Variants in CYB5R3 observed in about 807,000 individuals in gnomAD.
The protein encoded by CYB5R3 is cytochrome b5 reductase 3, also known as NADH-cytochrome b5 reductase 3.
A neutral mutation model predicts 36.5 loss-of-function variants in CYB5R3; 28 were observed. That is an observed-to-expected ratio of 0.77 (90% CI 0.57 to 1.05). CYB5R3 has a LOEUF of 1.05. Among genes scored for constraint, CYB5R3 ranks in the 50% least tolerant of loss-of-function variants. CYB5R3 has a pLI of 0.00. For synonymous variants in CYB5R3, 181 were observed against 159.8 expected, an observed-to-expected ratio of 1.13 and a Z score of -1.00; for missense variants, 474 against 408.9, an observed-to-expected ratio of 1.16 and a Z score of -1.37.
chr22:42,626,214 G>A (rs1391222984), intron 7 of CYB5R3, among the ~76,000 whole-genome samples: 2 of 152,150 alleles, frequency 1.3e-5, no homozygotes, highest in Non-Finnish European at 2.9e-5. Context: ...GGAGGCTGAG[G>A]CAGGAGAATC....
chr22:42,649,319 G>A lies in CYB5R3; in HGVS notation c.-4C>T, dbSNP rs1929662204. ...CCGTGCTGAGCTGGGCCCCCATGGT[G>A]GCCCCGCGCCGCGCTCGCTCTGTCG... On this transcript the variant is annotated 5_prime_UTR_variant, in exon 1 of 9. Transcript: ENST00000352397. 9.8e-6 allele frequency: 10 copies of A among 1,018,264 alleles called. No homozygotes were observed. The highest frequency in any genetic ancestry group is 9.5e-6 in the Non-Finnish European group (8 of 845,560). The allele number at this position is 1,018,264 out of a possible 1,614,324, so 63.1% of individuals were successfully genotyped here. A position where few individuals can be genotyped will look rare whatever the true frequency, so the allele number is the denominator to read the frequency against.
chr22:42,649,228 GC>G, intron 1 of CYB5R3, 66 bp downstream of exon 1: 4 of 393,068 alleles, frequency 1.0e-5, no homozygotes, highest in Non-Finnish European at 1.1e-5. Context: ...AGGCCAGCCC[GC>G]CCCCTCGCCG....
At chr22:42,644,612 C>T (rs1929451045) in intron 1 of CYB5R3, 7 of 1,483,246 alleles carry the variant, frequency 4.7e-6, no homozygotes, top group East Asian at 5.0e-5. Flanking sequence ...CTTCTGGAAA[C>T]TCCCTGGGGC....
At chr22:42,638,396 CAAAAA>C (rs1206825251) in intron 1 of CYB5R3, among the ~76,000 whole-genome samples, 2 of 36,516 alleles carry the variant, frequency 5.5e-5, no homozygotes, top group Non-Finnish European at 1.0e-4. Flanking sequence ...AACTCCATCT[CAAAAA>C]AAAAAAAAAA....
intron 7 of CYB5R3, 75 bp downstream of exon 7, chr22:42,627,229 G>A: frequency 8.0e-7 from 1 of 1,252,892 alleles, no homozygotes; most frequent in Non-Finnish European, 1.2e-6. Flanking sequence ...CAGACCCCTG[G>A]AACAGCACCT....
chr22:42,620,564 GA>G (rs1352305805), intron 8 of CYB5R3, among the ~76,000 whole-genome samples: 1 of 152,082 alleles, frequency 6.6e-6, no homozygotes, highest in Non-Finnish European at 1.5e-5. Flanking sequence ...TTAGTAACCA[GA>G]AACAACCACC....
intron 1 of CYB5R3, chr22:42,640,170 C>A (rs762594007): frequency 6.2e-7 from 1 of 1,612,750 alleles, no homozygotes; most frequent in Non-Finnish European, 8.5e-7. Flanking sequence ...CCAGCTCAAC[C>A]GTGGTGTAGT....
At chr22:42,638,764 G>A (rs1929058038) in intron 1 of CYB5R3, among the ~76,000 whole-genome samples, 1 of 105,454 alleles carries the variant, frequency 9.5e-6, no homozygotes, top group African/African-American at 3.8e-5. Flanking sequence ...CGGGCGCGGT[G>A]GCTCACGCCT....
chr22:42,647,098 C>T, intron 1 of CYB5R3: 1 of 426,060 alleles, frequency 2.3e-6, no homozygotes, highest in Non-Finnish European at 3.1e-6. Context: ...AGGCCCCCAG[C>T]CAGCCTCCTC....
intron 1 of CYB5R3, among the ~76,000 whole-genome samples, chr22:42,638,461 T>A: frequency 7.8e-6 from 1 of 127,414 alleles, no homozygotes. Context: ...TCCCAGCTAC[T>A]CAGATGGCAG....
chr22:42,639,980 T>C, intron 1 of CYB5R3: 1 of 1,611,680 alleles, frequency 6.2e-7, no homozygotes, highest in Non-Finnish European at 8.5e-7. Flanking sequence ...TTCTAGCCAA[T>C]GATGCCACGC....
intron 6 of CYB5R3, 61 bp from the exon 7 acceptor site, chr22:42,627,450 C>T (rs534141229): frequency 3.2e-6 from 5 of 1,563,752 alleles, no homozygotes; most frequent in South Asian, 2.2e-5. Flanking sequence ...AGGCACCGCC[C>T]CGCCCAGGTG....
At chr22:42,646,893 C>T (rs763508354) in intron 1 of CYB5R3, 57 of 985,416 alleles carry the variant, frequency 5.8e-5, no homozygotes, top group Non-Finnish European at 6.5e-5. Context: ...TACCTGTCAG[C>T]CTGTCAGGGT....
intron 1 of CYB5R3, among the ~76,000 whole-genome samples, chr22:42,641,093 G>A (rs913756369): frequency 3.3e-5 from 5 of 152,034 alleles, no homozygotes; most frequent in Non-Finnish European, 7.4e-5. Context: ...CTGACCTGGT[G>A]ATCCTCCTGC....
chr22:42,629,639 G>A (rs1264043735), intron 4 of CYB5R3, among the ~76,000 whole-genome samples: 1 of 152,184 alleles, frequency 6.6e-6, no homozygotes, highest in African/African-American at 2.4e-5. Context: ...GACCTGGCAA[G>A]GTAAGGGCCT....
chr22:42,627,201 A>G, intron 7 of CYB5R3, 103 bp downstream of exon 7: 1 of 987,810 alleles, frequency 1.0e-6, no homozygotes, highest in Admixed American at 2.0e-5. Context: ...TCATCCCCAG[A>G]ATCTCAGCAG....
In CYB5R3 at chr22:42,644,882, C is replaced by T. The variant is rs149223580; in HGVS notation, c.21+4413G>A. ...GCCCCTCCGCGGGCAGCTGGCTTCA[C>T]GGGCTGCGAGGCACCTTCCCCCATT... On this transcript the variant is annotated intron_variant, in intron 1 of 8. Transcript: ENST00000352397. Among the ~76,000 whole-genome samples, 49 of 152,302 alleles carry T rather than the reference C, an allele frequency of 3.2e-4. No homozygotes were observed. The East Asian group carries it at 5.4e-3, about 17-fold the overall frequency.
intron 1 of CYB5R3, among the ~76,000 whole-genome samples, chr22:42,646,084 C>T (rs1188089277): frequency 2.0e-5 from 3 of 152,220 alleles, no homozygotes; most frequent in Non-Finnish European, 2.9e-5. Flanking sequence ...TTGGAACAGG[C>T]TCTGCCCCGT....
intron 1 of CYB5R3, among the ~76,000 whole-genome samples, chr22:42,643,077 C>T (rs1468247549): frequency 1.3e-5 from 2 of 152,162 alleles, no homozygotes; most frequent in East Asian, 1.9e-4. Context: ...CAGACAAGTG[C>T]CTCTGCTCTA....
Sources: allele counts gnomAD v4.1 joint callset (sites outside exome capture counted in the v4.1 genomes callset), GRCh38; gene constraint gnomAD v4.1.1; transcripts MANE v1.5; gene names NCBI Gene and HGNC (gene_info 2026-07-23, HGNC 2026-07-21).